PPP3CA: variants seen among roughly 807,000 people sequenced by gnomAD.
The protein encoded by PPP3CA is CAM-PRP catalytic subunit.
PPP3CA carries 14 observed loss-of-function variants against 66.5 expected under a neutral mutation model. That is an observed-to-expected ratio of 0.21 (90% CI 0.14 to 0.33). The LOEUF is 0.33. Ranked by LOEUF, PPP3CA falls within the 10% of genes least tolerant of loss-of-function variation. PPP3CA has a pLI of 1.00. For synonymous variants in PPP3CA, 232 were observed against 226.2 expected (o/e 1.03, Z -0.23); for missense variants, 317 against 639.5 (o/e 0.50, Z 5.44).
intron 2 of PPP3CA, among the ~76,000 whole-genome samples, chr4:101,113,783 C>T (rs1721753900): frequency 6.6e-6 from 1 of 152,152 alleles, no homozygotes; most frequent in Non-Finnish European, 1.5e-5. Flanking sequence ...TATTCACTTA[C>T]TATTGGTCCC....
chr4:101,301,617 C>T (rs1728379232), intron 1 of PPP3CA, among the ~76,000 whole-genome samples: 1 of 148,262 alleles, frequency 6.7e-6, no homozygotes, highest in Admixed American at 6.7e-5. Flanking sequence ...CTCAGCCTAC[C>T]GAGTAGCTAG....
At chr4:101,333,281 T>G (rs2583393) in intron 1 of PPP3CA, among the ~76,000 whole-genome samples, 13,990 of 71,616 alleles carry the variant, frequency 0.2, 548 homozygotes, top group South Asian at 0.28. Context: ...TTTTTTTTTT[T>G]TTTTTTTTTT....
In PPP3CA at chr4:101,285,884, C is replaced by T. The variant is rs554815300; in HGVS notation, c.58+60855G>A. ...CAAAAGTTTTGGCTGATAATTTACA[C>T]AATGAAAACAGAAAGGCAAAAACAG... On this transcript the variant is annotated intron_variant, in intron 1 of 13. Coordinates refer to ENST00000394854, the MANE Select transcript of PPP3CA (RefSeq NM_000944.5). Among the ~76,000 whole-genome samples, 12 of 152,240 alleles carry T rather than the reference C, an allele frequency of 7.9e-5. No individual in the cohort carries two copies. The South Asian group carries it at 1.0e-3, about 13-fold the overall frequency.
intron 2 of PPP3CA, among the ~76,000 whole-genome samples, chr4:101,150,028 C>G (rs1312542999): frequency 6.6e-6 from 1 of 152,128 alleles, no homozygotes; most frequent in Non-Finnish European, 1.5e-5. Context: ...ATCAAGCCAT[C>G]TAACTCCATA....
chr4:101,052,570 CA>C (rs1728059097), intron 10 of PPP3CA, among the ~76,000 whole-genome samples: 1 of 150,876 alleles, frequency 6.6e-6, no homozygotes, highest in Non-Finnish European at 1.5e-5. Context: ...CAACTGAAAA[CA>C]AACAAAAAAA....
At chr4:101,029,481 G>C (rs1726840678) in intron 12 of PPP3CA, among the ~76,000 whole-genome samples, 2 of 151,306 alleles carry the variant, frequency 1.3e-5, no homozygotes, top group Non-Finnish European at 2.9e-5. Context: ...CAACCCTTTA[G>C]GAAAACACTT....
rs958058171 is a variant in PPP3CA, at chr4:101,093,773, T to C, written c.782+3A>G. 1.2e-6 allele frequency: 2 copies of C among 1,604,332 alleles called. No homozygotes were observed. The highest frequency in any genetic ancestry group is 1.3e-5 in the African/African-American group (1 of 74,560). On this transcript the variant is annotated splice_donor_region_variant and intron_variant, in intron 6 of 13. Coordinates refer to ENST00000394854, the MANE Select transcript of PPP3CA (RefSeq NM_000944.5). Reference sequence around the variant, plus strand: ...TTCCAGAGAGCAAGTTCTCTATTCTTACCTGTAGAAGTATGAACACCCCCT... The same window carrying C: ...TTCCAGAGAGCAAGTTCTCTATTCTCACCTGTAGAAGTATGAACACCCCCT...
chr4:101,213,433 T>A (rs950439828), intron 1 of PPP3CA, among the ~76,000 whole-genome samples: 1 of 152,136 alleles, frequency 6.6e-6, no homozygotes, highest in Admixed American at 6.6e-5. Context: ...TTCAAACCAA[T>A]GATGGATAAG....
intron 2 of PPP3CA, among the ~76,000 whole-genome samples, chr4:101,181,757 G>C (rs1724243099): frequency 6.6e-6 from 1 of 152,068 alleles, no homozygotes; most frequent in African/African-American, 2.4e-5. Context: ...AATTTGCCAT[G>C]AGAGGCACAC....
At chr4:101,131,520 TG>T (rs1722438671) in intron 2 of PPP3CA, among the ~76,000 whole-genome samples, 2 of 149,674 alleles carry the variant, frequency 1.3e-5, no homozygotes, top group African/African-American at 4.9e-5. Context: ...CATTACATAA[TG>T]GTAAAGGGAT....
At chr4:101,269,211 A>G (rs1399977671) in intron 1 of PPP3CA, among the ~76,000 whole-genome samples, 2 of 152,092 alleles carry the variant, frequency 1.3e-5, no homozygotes, top group Non-Finnish European at 2.9e-5. Flanking sequence ...TTTATTTACG[A>G]TTCAGACTAT....
At chr4:101,062,515 A>C (rs1728510459) in intron 9 of PPP3CA, among the ~76,000 whole-genome samples, 1 of 152,020 alleles carries the variant, frequency 6.6e-6, no homozygotes, top group African/African-American at 2.4e-5. Context: ...GAGAAGATAC[A>C]TGAGAATCAA....
chr4:101,150,101 T>C (rs1367497184), intron 2 of PPP3CA, among the ~76,000 whole-genome samples: 8 of 152,116 alleles, frequency 5.3e-5, no homozygotes, highest in Admixed American at 4.6e-4. Flanking sequence ...AATGATAATA[T>C]ACATACTTTC....
Position 101,035,293 on chromosome 4 carries a change from AC to A in PPP3CA, c.1242-2930del, listed in dbSNP as rs1284770602. Among the ~76,000 whole-genome samples the A allele has an allele frequency of 3.3e-5, 5 of 149,820 alleles. No homozygotes were observed. In the East Asian group the frequency reaches 9.8e-4, roughly 29 times the overall value. ...AAACAAAACAAAACAAAAAAACAAA[AC>A]CCCCCCAAAAACATGGGACTCATCA... On this transcript the variant is annotated intron_variant, in intron 11 of 13. Coordinates refer to ENST00000394854, the MANE Select transcript of PPP3CA (RefSeq NM_000944.5).
intron 1 of PPP3CA, chr4:101,250,361 T>C: frequency 2.2e-6 from 1 of 456,294 alleles, no homozygotes. Context: ...CCTCATACCC[T>C]TAGTTTCAAC....
intron 1 of PPP3CA, among the ~76,000 whole-genome samples, chr4:101,246,187 A>G (rs553835597): frequency 5.9e-5 from 9 of 152,332 alleles, no homozygotes; most frequent in Admixed American, 4.6e-4. Flanking sequence ...TACTTGCAGC[A>G]AAAGGTGCAT....
At chr4:101,135,290 G>A (rs966765863) in intron 2 of PPP3CA, among the ~76,000 whole-genome samples, 4 of 150,928 alleles carry the variant, frequency 2.7e-5, no homozygotes, top group African/African-American at 4.9e-5. Context: ...GGTCCATAAC[G>A]ATCACCTGAA....
chr4:101,318,268 A>G (rs1251586521), intron 1 of PPP3CA, among the ~76,000 whole-genome samples: 1 of 152,230 alleles, frequency 6.6e-6, no homozygotes, highest in African/African-American at 2.4e-5. Context: ...CCCAGTGCCA[A>G]TTAAATTATT....
chr4:101,090,437 G>A (rs947384085), intron 6 of PPP3CA, among the ~76,000 whole-genome samples: 1 of 151,898 alleles, frequency 6.6e-6, no homozygotes, highest in Non-Finnish European at 1.5e-5. Context: ...TCAGGAGTTT[G>A]AGACCAGCCT....
Sources: allele counts gnomAD v4.1 joint callset (sites outside exome capture counted in the v4.1 genomes callset), GRCh38; gene constraint gnomAD v4.1.1; transcripts MANE v1.5; gene names NCBI Gene and HGNC (gene_info 2026-07-23, HGNC 2026-07-21).